The following SNX30 variants were observed in gnomAD, a reference collection of about 807,000 sequenced individuals.
SNX30 encodes the protein sorting nexin-30.
In SNX30, 24 loss-of-function variants were observed where a neutral mutation model predicts 46.4. The observed-to-expected ratio is 0.52, with a 90% confidence interval of 0.37 to 0.73. The LOEUF (loss-of-function observed/expected upper bound fraction) is 0.73. Ranked by LOEUF, SNX30 falls within the 30% of genes least tolerant of loss-of-function variation. The pLI, the probability that SNX30 is intolerant of heterozygous loss-of-function variation, is 0.00. For missense variants in SNX30, 533 were observed against 555.7 expected, an observed-to-expected ratio of 0.96 and a Z score of 0.41; for synonymous variants, 189 against 211.5, an observed-to-expected ratio of 0.89 and a Z score of 0.92.
chr9:112,827,271 A>G (rs1564282830), intron 3 of SNX30, among the ~76,000 whole-genome samples: 2 of 152,196 alleles, frequency 1.3e-5, no homozygotes, highest in East Asian at 1.9e-4. Context: ...CTTTCAGCAT[A>G]TTAGCTAATT....
chr9:112,868,423 GC>G (rs1165206759), intron 8 of SNX30, among the ~76,000 whole-genome samples: 5 of 152,120 alleles, frequency 3.3e-5, no homozygotes, highest in Non-Finnish European at 5.9e-5. Flanking sequence ...CTCCATCCCT[GC>G]CGAGATTCTA....
At chr9:112,823,955 TA>T (rs1373972874) in intron 3 of SNX30, among the ~76,000 whole-genome samples, 2 of 152,226 alleles carry the variant, frequency 1.3e-5, no homozygotes, top group Non-Finnish European at 2.9e-5. Context: ...TATTTGGTAG[TA>T]ATTTTTGCTT....
intron 6 of SNX30, among the ~76,000 whole-genome samples, chr9:112,843,646 A>G (rs1167574960): frequency 0.011 from 114 of 10,474 alleles, no homozygotes; most frequent in African/African-American, 0.024. Context: ...TTTTTTTTTT[A>G]GACAGAGTCT....
intron 2 of SNX30, among the ~76,000 whole-genome samples, chr9:112,815,434 C>A (rs768216007): frequency 1.7e-3 from 249 of 150,856 alleles, no homozygotes; most frequent in Non-Finnish European, 2.4e-3. Flanking sequence ...AGTCTTGACT[C>A]ACTGCAGCCT....
downstream of SNX30, among the ~76,000 whole-genome samples, chr9:112,876,765 GTC>G (rs1464315596): frequency 6.6e-6 from 1 of 152,090 alleles, no homozygotes; most frequent in Non-Finnish European, 1.5e-5. Context: ...GGCGAAACCT[GTC>G]TCTATCAAAA....
At chr9:112,783,269 T>C (rs534403987) in intron 1 of SNX30, among the ~76,000 whole-genome samples, 146 of 152,348 alleles carry the variant, frequency 9.6e-4, no homozygotes, top group African/African-American at 3.4e-3. Context: ...GTTGTGCCTC[T>C]GCTTCTTATT....
intron 7 of SNX30, among the ~76,000 whole-genome samples, chr9:112,854,655 C>CAGCAGCA (rs1290835353): frequency 6.6e-6 from 1 of 152,170 alleles, no homozygotes; most frequent in Non-Finnish European, 1.5e-5. Context: ...GTAACAGTGG[C>CAGCAGCA]AGCAGCAGAA....
At chr9:112,883,111 A>C (rs1178601113), downstream of SNX30, among the ~76,000 whole-genome samples, 3 of 152,224 alleles carry the variant, frequency 2.0e-5, no homozygotes, top group Non-Finnish European at 4.4e-5. Flanking sequence ...TAGTGAGAGC[A>C]GCTCTGGTGG....
chr9:112,860,288 A>G (rs537509996), intron 7 of SNX30, among the ~76,000 whole-genome samples: 1 of 152,326 alleles, frequency 6.6e-6, no homozygotes, highest in Non-Finnish European at 1.5e-5. Flanking sequence ...TCCTTTGCTC[A>G]TTTTTAAATT....
At chr9:112,758,269 A>G (rs929874866) in intron 1 of SNX30, among the ~76,000 whole-genome samples, 1 of 151,552 alleles carries the variant, frequency 6.6e-6, no homozygotes, top group Non-Finnish European at 1.5e-5. Context: ...TTACCCCTGT[A>G]TCTTTGGACT....
chr9:112,807,514 C>T (rs1209679582), intron 2 of SNX30, among the ~76,000 whole-genome samples: 1 of 152,136 alleles, frequency 6.6e-6, no homozygotes, highest in East Asian at 1.9e-4. Flanking sequence ...CCTCAGAGGA[C>T]CTAGATTAAT....
chr9:112,759,135 G>A (rs1839400757), intron 1 of SNX30, among the ~76,000 whole-genome samples: 1 of 152,008 alleles, frequency 6.6e-6, no homozygotes, highest in African/African-American at 2.4e-5. Flanking sequence ...CAAAATGCTT[G>A]GATTATAGGC....
At chr9:112,876,437 C>A (rs1841518320), downstream of SNX30, among the ~76,000 whole-genome samples, 1 of 151,234 alleles carries the variant, frequency 6.6e-6, no homozygotes, top group Non-Finnish European at 1.5e-5. Context: ...AACGTAGACC[C>A]CGTCTCTACA....
intron 8 of SNX30, 123 bp from the exon 9 acceptor site, chr9:112,868,661 G>A (rs1841398978): frequency 2.1e-6 from 2 of 931,520 alleles, no homozygotes; most frequent in East Asian, 4.8e-5. Flanking sequence ...GACACATGCA[G>A]GCATCATTAG....
chr9:112,807,226 C>T (rs979024456), intron 2 of SNX30, among the ~76,000 whole-genome samples: 3 of 151,820 alleles, frequency 2.0e-5, no homozygotes, highest in Admixed American at 6.6e-5. Context: ...CCACCATGCC[C>T]GGCTACTTTT....
rs1021636481 is a variant in SNX30 at position 112,869,952 on chromosome 9, C to T, written c.*1109C>T. On this transcript the variant is annotated 3_prime_UTR_variant, in exon 9 of 9. Coordinates refer to ENST00000374232, the MANE Select transcript of SNX30 (RefSeq NM_001012994.2). ...CTACATAAAGTGCTTTAACCCTTAA[C>T]ATTTCCTGGTCAGGAAGGAAAATCA... The T allele has an allele frequency of 1.3e-5, 2 of 152,196 alleles. No individual in the cohort carries two copies. Among genetic ancestry groups the T allele is most frequent in the Non-Finnish European group, 2.9e-5 (2 of 68,038 alleles). 9.4% of individuals were successfully genotyped at this position (152,196 alleles called of 1,614,324 possible).
rs766928008 is a variant in SNX30, at chr9:112,804,798, G to T, written c.179G>T (p.Gly60Val). ...GDKDLILPNGGTPAGTSSPAS... is the reference protein window; with the variant it reads ...GDKDLILPNGVTPAGTSSPAS... Reference sequence around the variant, plus strand: ...TAGGATCTCATTTTGCCCAACGGTGGTACTCCAGCAGGTACTTCAAGTCCA... The same window carrying T: ...TAGGATCTCATTTTGCCCAACGGTGTTACTCCAGCAGGTACTTCAAGTCCA... Residue 60 changes from glycine to valine, a missense_variant, in exon 2 of 9, where the codon GGT becomes GTT. Gly to Val is a moderately radical substitution (Grantham distance 109, BLOSUM62 -3). Transcript: ENST00000374232. 6.2e-7 allele frequency: 1 copy of T among 1,610,716 alleles called. No homozygotes were observed. Among genetic ancestry groups the T allele is most frequent in the Non-Finnish European group, 8.5e-7 (1 of 1,178,102 alleles).
intron 1 of SNX30, among the ~76,000 whole-genome samples, chr9:112,755,585 A>C (rs1223820181): frequency 6.6e-6 from 1 of 151,940 alleles, no homozygotes; most frequent in East Asian, 1.9e-4. Context: ...TAGGCTGTTC[A>C]ATTGAGACTA....
At chr9:112,829,022 A>G (rs1840620017) in intron 3 of SNX30, among the ~76,000 whole-genome samples, 1 of 152,130 alleles carries the variant, frequency 6.6e-6, no homozygotes, top group South Asian at 2.1e-4. Flanking sequence ...GGACTTTTGT[A>G]TCTGGCTGTT....
Sources: allele counts gnomAD v4.1 joint callset (sites outside exome capture counted in the v4.1 genomes callset), GRCh38; gene constraint gnomAD v4.1.1; transcripts MANE v1.5; gene names NCBI Gene and HGNC (gene_info 2026-07-23, HGNC 2026-07-21).